The following DHX57 variants were observed in gnomAD, a reference collection of about 807,000 sequenced individuals.
DHX57 encodes the protein putative ATP-dependent RNA helicase DHX57.
DHX57 carries 105 observed loss-of-function variants against 156.2 expected under a neutral mutation model. That is an observed-to-expected ratio of 0.67 (90% CI 0.57 to 0.79). The LOEUF is 0.79. Ranked by LOEUF, DHX57 falls within the 30% of genes least tolerant of loss-of-function variation. DHX57 has a pLI of 0.00. For synonymous variants in DHX57, 704 were observed against 595.6 expected (o/e 1.18, Z -2.65); for missense variants, 1,847 against 1,661.9 (o/e 1.11, Z -1.94).
intron 1 of DHX57, among the ~76,000 whole-genome samples, chr2:38,872,850 T>A (rs1158762260): frequency 1.3e-5 from 2 of 152,106 alleles, no homozygotes. Context: ...AATAAAAGAC[T>A]TGAACAACAC....
chr2:38,834,981 C>T (rs1279795341), intron 13 of DHX57, among the ~76,000 whole-genome samples: 7 of 151,970 alleles, frequency 4.6e-5, no homozygotes, highest in African/African-American at 9.7e-5. Flanking sequence ...TTAAAGCAAA[C>T]GGAAGGGAAG....
At chr2:38,810,098 T>C (rs1170233278) in intron 21 of DHX57, among the ~76,000 whole-genome samples, 1 of 152,076 alleles carries the variant, frequency 6.6e-6, no homozygotes, top group Non-Finnish European at 1.5e-5. Context: ...TTTCACCATG[T>C]TGGCCAGGCT....
At chr2:38,820,590 C>A (rs1670760961) in intron 17 of DHX57, among the ~76,000 whole-genome samples, 1 of 152,046 alleles carries the variant, frequency 6.6e-6, no homozygotes, top group Non-Finnish European at 1.5e-5. Context: ...TTGGTTTTAT[C>A]ATTTCTTTTT....
Position 38,807,804 on chromosome 2 carries a change from G to A in DHX57, c.3682-1111C>T, listed in dbSNP as rs1465994883. Among the ~76,000 whole-genome samples, 6 of 150,510 alleles carry A rather than the reference G, an allele frequency of 4.0e-5. No homozygotes were observed. In the South Asian group the frequency reaches 6.3e-4, roughly 16 times the overall value. On this transcript the variant is annotated intron_variant, in intron 21 of 23. Transcript: ENST00000457308. Reference sequence around the variant, plus strand: ...CTGGGATTACAGGCATGAGCACCACGCCTGGCTAATTTTGTATCTTCAGTG... The same window carrying A: ...CTGGGATTACAGGCATGAGCACCACACCTGGCTAATTTTGTATCTTCAGTG...
chr2:38,804,380 C>G (rs1182236694), intron 22 of DHX57, among the ~76,000 whole-genome samples: 1 of 152,114 alleles, frequency 6.6e-6, no homozygotes, highest in Non-Finnish European at 1.5e-5. Context: ...ATCCCAGCTA[C>G]TCAGGGGGCT....
chr2:38,842,975 A>G (rs1408070586), intron 12 of DHX57, 30 bp downstream of exon 12: 1 of 1,600,810 alleles, frequency 6.2e-7, no homozygotes, highest in Non-Finnish European at 8.6e-7. Context: ...CTTTGGCATA[A>G]TTATAATATT....
intron 9 of DHX57, among the ~76,000 whole-genome samples, chr2:38,852,803 C>A (rs1672673882): frequency 1.3e-5 from 2 of 151,728 alleles, no homozygotes; most frequent in Non-Finnish European, 1.5e-5. Flanking sequence ...TATGCCTCAC[C>A]CTTTAATGAC....
Position 38,826,565 on chromosome 2 carries a change from T to G in DHX57, c.2764A>C (p.Ile922Leu), listed in dbSNP as rs1227985383. 3 of 1,614,008 alleles carry G rather than the reference T, an allele frequency of 1.9e-6. No individual in the cohort carries two copies. Among genetic ancestry groups the G allele is most frequent in the Non-Finnish European group, 2.5e-6 (3 of 1,180,030 alleles). The part of the protein sequence containing the change: ...STNIAETSIT[I>L]DDVVYVIDSG... ...TCGATAACATAGACAACATCATCGA[T>G]GGTTATGGATGTCTCAGCAATGTTG... The change falls in exon 15 of 24, where the codon ATC (isoleucine) becomes CTC (leucine). Residue 922 changes from isoleucine (I) to leucine (L), a missense_variant. Transcript: ENST00000457308.
chr2:38,822,588 T>G (rs1406516205), intron 17 of DHX57, among the ~76,000 whole-genome samples: 1 of 151,844 alleles, frequency 6.6e-6, no homozygotes, highest in African/African-American at 2.4e-5. Context: ...AGAGACAGGG[T>G]TTCACCATGT....
In DHX57 at chr2:38,861,213, T is replaced by C. The variant is rs1558402149; in HGVS notation, c.1197A>G (p.Thr399=). The C allele has an allele frequency of 3.7e-6, 6 of 1,614,122 alleles. No individual in the cohort carries two copies. Among genetic ancestry groups the C allele is most frequent in the South Asian group, 1.1e-5 (1 of 91,086 alleles). ...ISEFLYDKAL[T]FAETSEPVVY... is the part of the protein sequence containing the mutation. ...CGACAGGTTCCGAAGTTTCCGCAAA[T>C]GTCAAGGCCTTGTCATAAAGAAACT... Residue 399 remains threonine, a synonymous_variant, in exon 5 of 24, where the codon ACA becomes ACG. Coordinates refer to ENST00000457308, the MANE Select transcript of DHX57 (RefSeq NM_198963.3).
At chr2:38,875,303 C>A (rs1665555825) in intron 1 of DHX57, among the ~76,000 whole-genome samples, 2 of 152,158 alleles carry the variant, frequency 1.3e-5, no homozygotes, top group African/African-American at 2.4e-5. Context: ...TGTTTGATAG[C>A]CAAGGCACTG....
At chr2:38,802,288 CT>C (rs35572458) in intron 23 of DHX57, among the ~76,000 whole-genome samples, 65,614 of 131,442 alleles carry the variant, frequency 0.5, 15,880 homozygotes, top group East Asian at 0.68. Context: ...CCATCATTCA[CT>C]TTTTTTTTTT....
At chr2:38,856,708 C>T (rs13018704) in intron 6 of DHX57, 204 of 290,336 alleles carry the variant, frequency 7.0e-4, no homozygotes, top group Non-Finnish European at 1.1e-3. Context: ...CACCATGTTG[C>T]CCAGGCTGGC....
At chr2:38,815,209 G>C (rs934663051) in intron 20 of DHX57, among the ~76,000 whole-genome samples, 9 of 151,980 alleles carry the variant, frequency 5.9e-5, no homozygotes, top group African/African-American at 2.2e-4. Flanking sequence ...TGGGAAGACA[G>C]GTGGTACACC....
Position 38,863,373 on chromosome 2 carries a change from T to A in DHX57, c.371A>T (p.Asp124Val), listed in dbSNP as rs199537184. 9 of 1,610,842 alleles carry A rather than the reference T, an allele frequency of 5.6e-6. No homozygotes were observed. The highest frequency in any genetic ancestry group is 7.6e-6 in the Non-Finnish European group (9 of 1,179,332). ...LLRDLQEQDA[D>V]AGSERGLSGE... ...TAAAACAATTTACTCAGATCCAGCATCAGCATCTTGTTCTTGCAGGTCTCG... is the reference window on the plus strand; with the variant it reads ...TAAAACAATTTACTCAGATCCAGCAACAGCATCTTGTTCTTGCAGGTCTCG... Residue 124 changes from aspartate to valine, a missense_variant, in exon 3 of 24, where the codon GAT (aspartate) becomes GTT (valine). Transcript: ENST00000457308.
At chr2:38,874,883 C>T (rs1665535593) in intron 1 of DHX57, among the ~76,000 whole-genome samples, 1 of 152,054 alleles carries the variant, frequency 6.6e-6, no homozygotes, top group Admixed American at 6.6e-5. Context: ...TAAGGTTGTG[C>T]ACCAATAATT....
Position 38,858,671 on chromosome 2 carries a change from C to G in DHX57, c.1577G>C (p.Arg526Pro), listed in dbSNP as rs202217345. The change falls in exon 6 of 24, where the codon CGA (arginine) becomes CCA (proline). Residue 526 changes from arginine (R) to proline (P), a missense_variant. Arg to Pro is a moderately radical substitution (Grantham distance 103, BLOSUM62 -2). Transcript: ENST00000457308. ...CTCAGCATACCCTACCTGTTTCATTCGGAACTGCTTGCAGATTTTACCATT... is the reference window on the plus strand; with the variant it reads ...CTCAGCATACCCTACCTGTTTCATTGGGAACTGCTTGCAGATTTTACCATT... The part of the protein sequence containing the change: ...AENGKICKQF[R>P]MKQASRQFQS... 1.2e-6 allele frequency: 2 copies of G among 1,612,858 alleles called. No individual in the cohort carries two copies. The highest frequency in any genetic ancestry group is 1.7e-6 in the Non-Finnish European group (2 of 1,179,702).
At chr2:38,840,328 C>A (rs990022117) in intron 12 of DHX57, among the ~76,000 whole-genome samples, 2 of 151,602 alleles carry the variant, frequency 1.3e-5, no homozygotes, top group African/African-American at 4.8e-5. Context: ...AGCTAGGAAA[C>A]ATTATTTAAT....
chr2:38,814,026 C>T, intron 20 of DHX57, 131 bp from the exon 21 acceptor site: 1 of 918,730 alleles, frequency 1.1e-6, no homozygotes, highest in Non-Finnish European at 1.7e-6. Context: ...CAACCTCCGC[C>T]TCCCAGGTTC....
Sources: allele counts gnomAD v4.1 joint callset (sites outside exome capture counted in the v4.1 genomes callset), GRCh38; gene constraint gnomAD v4.1.1; transcripts MANE v1.5; gene names NCBI Gene and HGNC (gene_info 2026-07-23, HGNC 2026-07-21).